EPHA3: variants seen among roughly 807,000 people sequenced by gnomAD.
The protein encoded by EPHA3 is ephrin type-A receptor 3.
In EPHA3, 42 loss-of-function variants were observed where a neutral mutation model predicts 107.1. The ratio of observed to expected loss-of-function variants is 0.39; its 90% CI spans 0.31 to 0.51. The LOEUF is 0.51. EPHA3 is among the 20% of genes least tolerant of loss of function. The pLI is 0.78. For synonymous variants in EPHA3, 461 were observed against 424.8 expected (o/e 1.09, Z -1.05); for missense variants, 1,183 against 1,211.2 (o/e 0.98, Z 0.35).
intron 2 of EPHA3, among the ~76,000 whole-genome samples, chr3:89,207,623 T>A (rs1706138288): frequency 6.6e-6 from 1 of 152,182 alleles, no homozygotes; most frequent in African/African-American, 2.4e-5. Context: ...TGCTGTTGAT[T>A]TAGTTAAAAG....
In EPHA3 at chr3:89,405,117, C is replaced by T. The variant is rs531892057; in HGVS notation, c.1595-2152C>T. On this transcript the variant is annotated intron_variant, in intron 7 of 16. Coordinates refer to ENST00000336596, the MANE Select transcript of EPHA3 (RefSeq NM_005233.6). ...ATGGAGCTGAGCCAGGCAAGCAGAA[C>T]CTCAGACTGAGATGTAGGTCTGTCA... Among the ~76,000 whole-genome samples the T allele has an allele frequency of 2.6e-5, 4 of 152,122 alleles. No homozygotes were observed. The South Asian group carries it at 8.3e-4, about 32-fold the overall frequency.
At position 89,341,056 on chromosome 3, in the gene EPHA3, T is replaced by G; in HGVS notation, c.955T>G (p.Ser319Ala). 6.2e-7 allele frequency: 1 copy of G among 1,613,592 alleles called. No individual in the cohort carries two copies. Among genetic ancestry groups the G allele is most frequent in the Non-Finnish European group, 8.5e-7 (1 of 1,179,866 alleles). ...NYFRADKDPP[S>A]MACTRPPSSP... is the part of the protein sequence containing the mutation. ...CTTCCGGGCAGACAAAGACCCTCCA[T>G]CCATGGCTTGTACCCGTGAGTAGTT... is the stretch of plus-strand genomic sequence containing the variant. The change falls in exon 4 of 17, where the codon TCC becomes GCC. Residue 319 changes from serine to alanine, a missense_variant. Physicochemically the swap from Ser to Ala is moderately conservative, Grantham distance 99. Coordinates refer to ENST00000336596, the MANE Select transcript of EPHA3 (RefSeq NM_005233.6).
intron 3 of EPHA3, among the ~76,000 whole-genome samples, chr3:89,213,590 GA>G (rs1704157171): frequency 2.0e-5 from 3 of 151,868 alleles, no homozygotes; most frequent in African/African-American, 7.2e-5. Flanking sequence ...TGAAGTAAAG[GA>G]ATAACAAATA....
chr3:89,253,460 T>A (rs1023255234), intron 3 of EPHA3, among the ~76,000 whole-genome samples: 1 of 152,126 alleles, frequency 6.6e-6, no homozygotes, highest in African/African-American at 2.4e-5. Context: ...CTTAAGGCAG[T>A]CTTTAAGCAT....
chr3:89,290,681 T>C (rs1028979425), intron 3 of EPHA3, among the ~76,000 whole-genome samples: 4 of 152,126 alleles, frequency 2.6e-5, no homozygotes, highest in African/African-American at 9.7e-5. Flanking sequence ...CTCTAGTTAA[T>C]TTTAGGCCCT....
chr3:89,407,689 G>A (rs1333428442), intron 8 of EPHA3, among the ~76,000 whole-genome samples: 1 of 151,822 alleles, frequency 6.6e-6, no homozygotes, highest in East Asian at 1.9e-4. Flanking sequence ...AGATTTCCTT[G>A]ACACTTTCTC....
rs571813455 is a variant in EPHA3 at position 89,440,198 on chromosome 3, T to C, written c.2346+8839T>C. On this transcript the variant is annotated intron_variant, in intron 13 of 16. Transcript: ENST00000336596. Reference sequence around the variant, plus strand: ...GTGAATGAATTTTAGTCCTTGACAATACATAGATGCTAAATCTTTTAGCCA... The same window carrying C: ...GTGAATGAATTTTAGTCCTTGACAACACATAGATGCTAAATCTTTTAGCCA... 3.4e-3 allele frequency among the ~76,000 whole-genome samples: 517 copies of C among 152,338 alleles called. 3 individuals are homozygous for C. Among genetic ancestry groups the C allele is most frequent in the Middle Eastern group, 0.014 (4 of 294 alleles).
At chr3:89,320,798 A>G (rs1707024735) in intron 3 of EPHA3, among the ~76,000 whole-genome samples, 2 of 152,204 alleles carry the variant, frequency 1.3e-5, no homozygotes, top group Admixed American at 6.6e-5. Context: ...TCAAAATGTT[A>G]CTATTCACCA....
intron 13 of EPHA3, among the ~76,000 whole-genome samples, chr3:89,439,881 A>C (rs1709751009): frequency 6.6e-6 from 1 of 152,164 alleles, no homozygotes; most frequent in Non-Finnish European, 1.5e-5. Flanking sequence ...AAGTAACATA[A>C]GCATTATGAG....
At chr3:89,135,287 T>C (rs1704287952) in intron 2 of EPHA3, among the ~76,000 whole-genome samples, 1 of 152,150 alleles carries the variant, frequency 6.6e-6, no homozygotes, top group South Asian at 2.1e-4. Context: ...CTTATGCATG[T>C]TCTTTGTTGT....
At chr3:89,400,981 C>A (rs983141091) in intron 7 of EPHA3, among the ~76,000 whole-genome samples, 2 of 152,154 alleles carry the variant, frequency 1.3e-5, no homozygotes, top group Admixed American at 6.6e-5. Context: ...TCTGACCATT[C>A]CCATTTCCCA....
chr3:89,342,017 C>T lies in EPHA3; in HGVS notation c.1233C>T (p.Ala411=), dbSNP rs1707537537. The T allele has an allele frequency of 1.2e-6, 2 of 1,612,066 alleles. No individual in the cohort carries two copies. The highest frequency in any genetic ancestry group is 1.3e-5 in the African/African-American group (1 of 74,280). The change falls in exon 5 of 17, where the codon GCC becomes GCT. Residue 411 remains alanine (A), a synonymous_variant. Coordinates refer to ENST00000336596, the MANE Select transcript of EPHA3 (RefSeq NM_005233.6). ...CTAACTACACCTTTGAGATTGATGCCGTTAATGGGGTGTCAGAGCTGAGCT... is the reference window on the plus strand; with the variant it reads ...CTAACTACACCTTTGAGATTGATGCTGTTAATGGGGTGTCAGAGCTGAGCT... The part of the protein sequence containing the change: ...AHTNYTFEID[A]VNGVSELSSP...
At chr3:89,387,262 C>A (rs1708640979) in intron 5 of EPHA3, among the ~76,000 whole-genome samples, 1 of 152,090 alleles carries the variant, frequency 6.6e-6, no homozygotes, top group South Asian at 2.1e-4. Context: ...AGGAGGGAAC[C>A]ATGGGTGGGA....
chr3:89,343,660 T>A (rs1707583189), intron 5 of EPHA3, among the ~76,000 whole-genome samples: 1 of 152,228 alleles, frequency 6.6e-6, no homozygotes, highest in African/African-American at 2.4e-5. Flanking sequence ...TCTCTTTCGT[T>A]TCCACTTTGC....
chr3:89,337,927 A>G (rs893176699), intron 3 of EPHA3, among the ~76,000 whole-genome samples: 1 of 152,204 alleles, frequency 6.6e-6, no homozygotes, highest in African/African-American at 2.4e-5. Context: ...AAAACACATC[A>G]TGCTGAATTT....
intron 3 of EPHA3, among the ~76,000 whole-genome samples, chr3:89,283,621 T>G (rs1396268914): frequency 1.3e-5 from 2 of 152,134 alleles, no homozygotes; most frequent in Non-Finnish European, 2.9e-5. Flanking sequence ...GCAAAGTAAC[T>G]GAAGGACAGG....
At chr3:89,297,984 G>A (rs2107340931) in intron 3 of EPHA3, among the ~76,000 whole-genome samples, 1 of 152,252 alleles carries the variant, frequency 6.6e-6, no homozygotes, top group South Asian at 2.1e-4. Context: ...GCAGTGAGAT[G>A]AGATCATGCC....
In EPHA3 at chr3:89,114,844, T is replaced by TACCTGG. The variant is rs1481823224; in HGVS notation, c.88+7009_88+7014dup. Reference sequence around the variant, plus strand: ...TACTCCTTGCCACCTGGACCCTCCTTACCTGGGCGTCAGTAAGACGCCAGA... The same window carrying TACCTGG: ...TACTCCTTGCCACCTGGACCCTCCTTACCTGGACCTGGGCGTCAGTAAGACGCCAGA... On this transcript the variant is annotated intron_variant, in intron 1 of 16. Coordinates refer to ENST00000336596, the MANE Select transcript of EPHA3 (RefSeq NM_005233.6). Among the ~76,000 whole-genome samples, 6 of 152,196 alleles carry TACCTGG rather than the reference T, an allele frequency of 3.9e-5. No individual in the cohort carries two copies. In the South Asian group the frequency reaches 1.2e-3, roughly 31 times the overall value.
intron 3 of EPHA3, among the ~76,000 whole-genome samples, chr3:89,292,370 A>T (rs1186824247): frequency 6.6e-6 from 1 of 152,198 alleles, no homozygotes; most frequent in African/African-American, 2.4e-5. Context: ...ATACAAGAGA[A>T]TGTGCGGAGG....
Sources: gnomAD v4.1 joint callset for allele counts (sites outside exome capture counted in the v4.1 genomes callset) on GRCh38, gnomAD v4.1.1 for gene constraint, MANE v1.5 for transcripts, NCBI Gene and HGNC (gene_info 2026-07-23, HGNC 2026-07-21) for gene names.